The following ZMYM6 variants were observed in gnomAD, a reference collection of about 807,000 sequenced individuals.
The protein encoded by ZMYM6 is zinc finger MYM-type containing 6.
In ZMYM6, 90 loss-of-function variants were observed where a neutral mutation model predicts 134.0. The ratio of observed to expected loss-of-function variants is 0.67; its 90% CI spans 0.57 to 0.80. The LOEUF (loss-of-function observed/expected upper bound fraction) is 0.80. Among genes scored for constraint, ZMYM6 ranks in the 30% least tolerant of loss-of-function variants. The probability of loss-of-function intolerance (pLI) is 0.00; values close to 1 mark genes in which losing one functional copy is unlikely to be tolerated. For missense variants in ZMYM6, 1,362 were observed against 1,533.9 expected (o/e 0.89, Z 1.87); for synonymous variants, 481 against 524.1 (o/e 0.92, Z 1.12).
intron 7 of ZMYM6, 94 bp from the exon 8 acceptor site, chr1:35,012,099 A>G (rs1397470464): frequency 1.7e-5 from 13 of 761,574 alleles, no homozygotes; most frequent in Non-Finnish European, 2.6e-5. Flanking sequence ...TAAATAATCA[A>G]TAATATACCA....
chr1:35,012,407 A>G, intron 7 of ZMYM6, 24 bp downstream of exon 7: 1 of 1,459,142 alleles, frequency 6.9e-7, no homozygotes, highest in Non-Finnish European at 9.1e-7. Flanking sequence ...TTAAATCTAT[A>G]AATTTATCAA....
Position 35,030,645 on chromosome 1 carries a change from T to C in ZMYM6, c.-6A>G, listed in dbSNP as rs752240884. Reference sequence around the variant, plus strand: ...CCATCCAAAGGTTCTTTCATTCTAATTTTTTACCTCAAAGAGTGTCTCAGG... The same window carrying C: ...CCATCCAAAGGTTCTTTCATTCTAACTTTTTACCTCAAAGAGTGTCTCAGG... On this transcript the variant is annotated 5_prime_UTR_variant, in exon 2 of 16. Coordinates refer to ENST00000357182, the MANE Select transcript of ZMYM6 (RefSeq NM_007167.4). 2 of 1,611,082 alleles carry C rather than the reference T, an allele frequency of 1.2e-6. No homozygotes were observed. The highest frequency in any genetic ancestry group is 1.3e-5 in the African/African-American group (1 of 74,664).
intron 4 of ZMYM6, 60 bp from the exon 5 acceptor site, chr1:35,015,222 T>C: frequency 6.9e-7 from 1 of 1,441,058 alleles, no homozygotes; most frequent in Non-Finnish European, 9.3e-7. Context: ...AACTTCCTCC[T>C]CTTTGTGAGG....
chr1:35,029,158 G>A (rs1641471044), intron 2 of ZMYM6, among the ~76,000 whole-genome samples: 2 of 152,094 alleles, frequency 1.3e-5, no homozygotes, highest in South Asian at 4.1e-4. Context: ...TTACAACATT[G>A]CAGCAAAACT....
At chr1:35,012,702 T>A in intron 6 of ZMYM6, 121 bp from the exon 7 acceptor site, 2 of 1,459,610 alleles carry the variant, frequency 1.4e-6, no homozygotes, top group East Asian at 2.6e-5. Context: ...TTGAGCATGA[T>A]GATGAAACCA....
rs768693271 is a variant in ZMYM6 at position 35,010,936 on chromosome 1, A to G, written c.1163T>C (p.Ile388Thr). 1.9e-5 allele frequency: 31 copies of G among 1,612,614 alleles called. No homozygotes were observed. In the East Asian group the frequency reaches 4.0e-4, roughly 21 times the overall value. The change falls in exon 9 of 16, where the codon ATA becomes ACA. Residue 388 changes from isoleucine (I) to threonine (T), a missense_variant. By Grantham distance (89) the Ile-to-Thr change is moderately conservative. Around this residue, in one of 3 missense-constraint regions of ZMYM6, gnomAD observed 503 missense variants for 520.8 expected, o/e 0.97. Transcript: ENST00000357182. ...AACGGCAGAGGTGTTACCTCCTCCT[A>G]TTGACACTGCTGACCTGGAGGAGGG... ...SPPSSRSAVS[I>T]GGGNTSAVSP...
At position 34,988,176 on chromosome 1, in the gene ZMYM6, G is replaced by GATTT; in HGVS notation, c.2902_2905dup (p.Ser969Ter). 6.5e-7 allele frequency: 1 copy of GATTT among 1,549,304 alleles called. No individual in the cohort carries two copies. The highest frequency in any genetic ancestry group is 8.7e-7 in the Non-Finnish European group (1 of 1,145,884). On this transcript the variant is annotated stop_gained and frameshift_variant, in exon 16 of 16. Coordinates refer to ENST00000357182, the MANE Select transcript of ZMYM6 (RefSeq NM_007167.4). LOFTEE classifies it high-confidence loss of function. The stretch of plus-strand genomic sequence containing the variant: ...ACCAACACAATGTTTCCAATTCAGA[G>GATTT]ATTTACTATCAATATATTTATTTAT...
At position 35,012,677 on chromosome 1, in the gene ZMYM6, C is replaced by A. The variant is rs1007174043; in HGVS notation, c.796-96G>T. 3 of 1,500,636 alleles carry A rather than the reference C, an allele frequency of 2.0e-6. No individual in the cohort carries two copies. The African/African-American group carries it at 4.3e-5, about 22-fold the overall frequency. 93.0% of individuals were successfully genotyped at this position (1,500,636 alleles called of 1,614,324 possible). A position where few individuals can be genotyped will look rare whatever the true frequency, so the allele number is the denominator to read the frequency against. ...AAGAAAAGCTACCTACAACCACGGT[C>A]CTTGGTTGAAATATTTGAGCATGAT... On this transcript the variant is annotated intron_variant, in intron 6 of 15. Coordinates refer to ENST00000357182, the MANE Select transcript of ZMYM6 (RefSeq NM_007167.4).
intron 8 of ZMYM6, 76 bp downstream of exon 8, chr1:35,011,814 C>A (rs1473130298): frequency 5.9e-6 from 6 of 1,023,344 alleles, no homozygotes; most frequent in East Asian, 5.6e-5. Flanking sequence ...TAAGAACAGG[C>A]CTTCAGCAGT....
intron 14 of ZMYM6, among the ~76,000 whole-genome samples, chr1:34,994,187 C>G (rs1301361943): frequency 6.6e-6 from 1 of 152,158 alleles, no homozygotes; most frequent in Admixed American, 6.5e-5. Flanking sequence ...AGACAAAGTT[C>G]TGCTCATATG....
intron 14 of ZMYM6, among the ~76,000 whole-genome samples, chr1:34,993,115 CTTT>C (rs11314796): frequency 3.6e-5 from 5 of 138,950 alleles, no homozygotes; most frequent in Admixed American, 7.1e-5. Context: ...TTTCTTTTTT[CTTT>C]TTTTTTTTTT....
At position 35,012,014 on chromosome 1, in the gene ZMYM6, CA is replaced by C; in HGVS notation, c.947-10del. 1 of 1,544,642 alleles carries C rather than the reference CA, an allele frequency of 6.5e-7. No homozygotes were observed. The highest frequency in any genetic ancestry group is 8.8e-7 in the Non-Finnish European group (1 of 1,132,522). On this transcript the variant is annotated splice_polypyrimidine_tract_variant and intron_variant, in intron 7 of 15. Coordinates refer to ENST00000357182, the MANE Select transcript of ZMYM6 (RefSeq NM_007167.4). ...ACATGAAACCTGGACACCTTGGTGA[CA>C]AAAAATTAAAAACAATGATTAAGTT...
At chr1:35,000,521 G>C (rs1251593881) in intron 14 of ZMYM6, among the ~76,000 whole-genome samples, 1 of 152,092 alleles carries the variant, frequency 6.6e-6, no homozygotes, top group Non-Finnish European at 1.5e-5. Flanking sequence ...TTACAGACGT[G>C]AGCCACCGCG....
At chr1:35,016,860 C>T (rs1641209597) in intron 4 of ZMYM6, among the ~76,000 whole-genome samples, 2 of 151,886 alleles carry the variant, frequency 1.3e-5, no homozygotes, top group African/African-American at 4.8e-5. Context: ...TTTTAATTAG[C>T]AGGGCATGCT....
intron 6 of ZMYM6, 173 bp from the exon 7 acceptor site, chr1:35,012,754 T>C (rs1426578223): frequency 3.0e-6 from 3 of 985,152 alleles, no homozygotes; most frequent in East Asian, 2.3e-4. Flanking sequence ...CAGACAACAA[T>C]AAAATAGAAA....
rs1469914327 is a variant in ZMYM6, at chr1:35,011,970, C to T, written c.982G>A (p.Ala328Thr). 6 of 1,609,468 alleles carry T rather than the reference C, an allele frequency of 3.7e-6. No homozygotes were observed. The highest frequency in any genetic ancestry group is 1.7e-4 in the Middle Eastern group (1 of 6,044). The change falls in exon 8 of 16, where the codon GCA becomes ACA. Residue 328 changes from alanine to threonine, a missense_variant. Coordinates refer to ENST00000357182, the MANE Select transcript of ZMYM6 (RefSeq NM_007167.4). Reference protein sequence around the residue: ...QVSCHSCKTSAIPQYHLAMSN... With the variant: ...QVSCHSCKTSTIPQYHLAMSN... Reference sequence around the variant, plus strand: ...ATGGCTAGGTGATACTGAGGGATTGCTGAGGTTTTACAACTATGACATGAA... The same window carrying T: ...ATGGCTAGGTGATACTGAGGGATTGTTGAGGTTTTACAACTATGACATGAA...
intron 6 of ZMYM6, chr1:35,013,425 C>A: frequency 1.0e-6 from 1 of 983,994 alleles, no homozygotes; most frequent in Non-Finnish European, 1.2e-6. Flanking sequence ...ACTACATAAT[C>A]TTCCTAGTAA....
chr1:35,012,331 C>T (rs1641102137), intron 7 of ZMYM6, 100 bp downstream of exon 7: 1 of 1,118,896 alleles, frequency 8.9e-7, no homozygotes, highest in South Asian at 2.2e-5. Flanking sequence ...TTTTATTTAA[C>T]TAAATAGATA....
At position 35,010,448 on chromosome 1, in the gene ZMYM6, T is replaced by C. The variant is rs1641065554; in HGVS notation, c.1491A>G (p.Glu497=). ...FSGVDKPFCS[E]VCKFLSARDF... Reference sequence around the variant, plus strand: ...TGAATAAAACAACTTTGTCTTTACCTTCACTACAGAATGGCTTATCAACCC... The same window carrying C: ...TGAATAAAACAACTTTGTCTTTACCCTCACTACAGAATGGCTTATCAACCC... Residue 497 remains glutamate (E), a splice_region_variant and synonymous_variant, in exon 10 of 16, where the codon GAA becomes GAG. Coordinates refer to ENST00000357182, the MANE Select transcript of ZMYM6 (RefSeq NM_007167.4). 6.2e-7 allele frequency: 1 copy of C among 1,606,976 alleles called. No individual in the cohort carries two copies. Among genetic ancestry groups the C allele is most frequent in the Non-Finnish European group, 8.5e-7 (1 of 1,178,364 alleles).
Sources: gnomAD v4.1 joint callset for allele counts (sites outside exome capture counted in the v4.1 genomes callset) on GRCh38, gnomAD v4.1.1 for gene constraint, gnomAD v4.1.1 regional missense constraint, MANE v1.5 for transcripts, NCBI Gene and HGNC (gene_info 2026-07-23, HGNC 2026-07-21) for gene names.